The following FAT4 variants were observed in gnomAD, a reference collection of about 807,000 sequenced individuals.
FAT4 encodes FAT atypical cadherin 4, also known as protocadherin Fat 4.
Under a neutral mutation model 303.9 loss-of-function variants are expected in FAT4, and 84 were observed. That is an observed-to-expected ratio of 0.28 (90% CI 0.23 to 0.33). FAT4 has a LOEUF of 0.33. Ranked by LOEUF, FAT4 falls within the 10% of genes least tolerant of loss-of-function variation. The probability of loss-of-function intolerance (pLI) is 1.00; values close to 1 mark genes in which losing one functional copy is unlikely to be tolerated. For missense variants in FAT4, 6,005 were observed against 6,146.8 expected, an observed-to-expected ratio of 0.98 and a Z score of 0.77; for synonymous variants, 2,307 against 2,298.8, an observed-to-expected ratio of 1.00 and a Z score of -0.10.
chr4:125,330,317 C>A (rs530257237), intron 2 of FAT4, among the ~76,000 whole-genome samples: 2 of 152,130 alleles, frequency 1.3e-5, no homozygotes, highest in South Asian at 2.1e-4. Context: ...CATTGCCTTG[C>A]GGCATTTCTT....
chr4:125,477,783 A>G (rs1727083486), intron 14 of FAT4, among the ~76,000 whole-genome samples: 1 of 152,140 alleles, frequency 6.6e-6, no homozygotes, highest in Admixed American at 6.5e-5. Context: ...CAATAACTTG[A>G]TTAATTATGA....
At chr4:125,340,051 A>C (rs1731724169) in intron 2 of FAT4, among the ~76,000 whole-genome samples, 1 of 152,168 alleles carries the variant, frequency 6.6e-6, no homozygotes. Context: ...AAATGAATAT[A>C]GAAAATATTC....
At position 125,446,551 on chromosome 4, in the gene FAT4, A is replaced by G. The variant is rs748486464; in HGVS notation, c.7450+8A>G. On this transcript the variant is annotated splice_region_variant and intron_variant, in intron 9 of 17. Transcript: ENST00000394329. ...CATCTCCTACTCTTCCAGGTAATCA[A>G]CCAAATTCTGAGGCCACATGGATAT... is the stretch of plus-strand genomic sequence containing the variant. The G allele has an allele frequency of 1.2e-6, 2 of 1,600,528 alleles. No homozygotes were observed. Among genetic ancestry groups the G allele is most frequent in the East Asian group, 2.2e-5 (1 of 44,626 alleles).
intron 7 of FAT4, among the ~76,000 whole-genome samples, chr4:125,432,096 G>T (rs1170819840): frequency 1.3e-5 from 2 of 152,132 alleles, no homozygotes; most frequent in African/African-American, 2.4e-5. Flanking sequence ...AGTAGTGAAG[G>T]TCCCTCCCTG....
At chr4:125,357,889 A>G (rs1199768777) in intron 2 of FAT4, among the ~76,000 whole-genome samples, 1 of 152,172 alleles carries the variant, frequency 6.6e-6, no homozygotes, top group Non-Finnish European at 1.5e-5. Flanking sequence ...TAACTGGGCC[A>G]TACATCCCTT....
chr4:125,403,743 T>C (rs1050210369), intron 3 of FAT4, among the ~76,000 whole-genome samples: 1 of 152,198 alleles, frequency 6.6e-6, no homozygotes, highest in African/African-American at 2.4e-5. Context: ...GAGTACTCTC[T>C]TAATTGCCAG....
intron 7 of FAT4, among the ~76,000 whole-genome samples, chr4:125,431,008 C>A (rs112684646): frequency 1.1e-4 from 16 of 152,274 alleles, no homozygotes; most frequent in African/African-American, 3.8e-4. Flanking sequence ...TTTACTCCCC[C>A]CAGCATTTGC....
chr4:125,419,302 A>G (rs1735191610), intron 7 of FAT4, among the ~76,000 whole-genome samples: 1 of 152,192 alleles, frequency 6.6e-6, no homozygotes, highest in African/African-American at 2.4e-5. Flanking sequence ...TTCATAGATC[A>G]TTTCACAATT....
chr4:125,344,472 A>G (rs1024543411), intron 2 of FAT4, among the ~76,000 whole-genome samples: 1 of 152,154 alleles, frequency 6.6e-6, no homozygotes, highest in Non-Finnish European at 1.5e-5. Flanking sequence ...TTAAACACCA[A>G]TTCCCCATGT....
rs765905046 is a variant in FAT4, at chr4:125,450,981, C to T, written c.9971C>T (p.Ala3324Val). 3.7e-6 allele frequency: 6 copies of T among 1,614,014 alleles called. No individual in the cohort carries two copies. In the East Asian group the frequency reaches 6.7e-5, roughly 18 times the overall value. ...PKGTIVGEVF[A>V]SDRDLGTDGE... Reference sequence around the variant, plus strand: ...GGTACTATTGTTGGAGAAGTGTTTGCTAGCGACCGTGATTTGGGCACTGAT... The same window carrying T: ...GGTACTATTGTTGGAGAAGTGTTTGTTAGCGACCGTGATTTGGGCACTGAT... The change falls in exon 10 of 18, where the codon GCT becomes GTT. Residue 3324 changes from alanine to valine, a missense_variant. By Grantham distance (64) the Ala-to-Val change is moderately conservative (BLOSUM62 0). Transcript: ENST00000394329.
At chr4:125,330,913 T>C (rs4833321) in intron 2 of FAT4, among the ~76,000 whole-genome samples, 76,541 of 151,916 alleles carry the variant, frequency 0.5, 20,090 homozygotes, top group Non-Finnish European at 0.59. Flanking sequence ...TTTTTCCTGA[T>C]TCCCCTTGCC....
chr4:125,381,040 C>T (rs1396693), intron 2 of FAT4, among the ~76,000 whole-genome samples: 144,925 of 152,222 alleles, frequency 0.95, 69,374 homozygotes, highest in East Asian at 1. Flanking sequence ...ATAAAACTAA[C>T]GTTAGTAGTC....
At chr4:125,344,415 C>G (rs532838324) in intron 2 of FAT4, among the ~76,000 whole-genome samples, 1 of 152,190 alleles carries the variant, frequency 6.6e-6, no homozygotes, top group South Asian at 2.1e-4. Flanking sequence ...TGGAGATTAT[C>G]CATTACAGCC....
chr4:125,408,064 G>A (rs1023530244), intron 4 of FAT4, among the ~76,000 whole-genome samples: 1 of 151,940 alleles, frequency 6.6e-6, no homozygotes, highest in Non-Finnish European at 1.5e-5. Flanking sequence ...GTATCACCAG[G>A]GCATAAGTCT....
At chr4:125,480,064 A>G (rs1727174104) in intron 15 of FAT4, among the ~76,000 whole-genome samples, 199 bp downstream of exon 15, 1 of 152,184 alleles carries the variant, frequency 6.6e-6, no homozygotes, top group African/African-American at 2.4e-5. Context: ...TCCTTTTAAA[A>G]AATCGTTTAC....
chr4:125,344,258 A>G (rs1270001259), intron 2 of FAT4, among the ~76,000 whole-genome samples: 1 of 152,146 alleles, frequency 6.6e-6, no homozygotes, highest in Non-Finnish European at 1.5e-5. Flanking sequence ...TCTGTGGTGT[A>G]TGGATTTCCC....
chr4:125,400,407 A>G (rs1055038664), intron 3 of FAT4, among the ~76,000 whole-genome samples: 1 of 151,946 alleles, frequency 6.6e-6, no homozygotes, highest in African/African-American at 2.4e-5. Flanking sequence ...CCCTTTTAAT[A>G]CTGTTCTCTT....
chr4:125,348,703 G>A (rs760432735), intron 2 of FAT4, among the ~76,000 whole-genome samples: 2 of 151,642 alleles, frequency 1.3e-5, no homozygotes, highest in African/African-American at 2.4e-5. Context: ...ATATAAGGCT[G>A]TCTGCATGGA....
intron 2 of FAT4, among the ~76,000 whole-genome samples, chr4:125,379,525 TC>T (rs1193094530): frequency 6.6e-6 from 1 of 152,190 alleles, no homozygotes; most frequent in African/African-American, 2.4e-5. Flanking sequence ...AGTTGTGCAA[TC>T]TCGGCTCACT....
Sources: allele counts gnomAD v4.1 joint callset (sites outside exome capture counted in the v4.1 genomes callset), GRCh38; gene constraint gnomAD v4.1.1; transcripts MANE v1.5; gene names NCBI Gene and HGNC (gene_info 2026-07-23, HGNC 2026-07-21).